SNX9: variants seen among roughly 807,000 people sequenced by gnomAD.
SNX9 encodes sorting nexin-9.
In SNX9, 44 loss-of-function variants were observed where a neutral mutation model predicts 89.4. That is an observed-to-expected ratio of 0.49 (90% CI 0.39 to 0.63). The LOEUF (loss-of-function observed/expected upper bound fraction) is 0.63, where lower values mean the gene tolerates loss of function less well. Among genes scored for constraint, SNX9 ranks in the 30% least tolerant of loss-of-function variants. The pLI is 0.00. For missense variants in SNX9, 578 were observed against 736.1 expected, an observed-to-expected ratio of 0.79 and a Z score of 2.49; for synonymous variants, 236 against 247.8, an observed-to-expected ratio of 0.95 and a Z score of 0.45.
chr6:157,921,161 G>A (rs1783574198), intron 9 of SNX9, among the ~76,000 whole-genome samples: 1 of 152,182 alleles, frequency 6.6e-6, no homozygotes, highest in Non-Finnish European at 1.5e-5. Flanking sequence ...ACAGAAACTG[G>A]CCTGTTAGCT....
At chr6:157,877,922 C>CT (rs1158564089) in intron 4 of SNX9, among the ~76,000 whole-genome samples, 4 of 152,154 alleles carry the variant, frequency 2.6e-5, no homozygotes, top group Non-Finnish European at 4.4e-5. Context: ...TCGTATTTTT[C>CT]TTTAAGTATA....
In SNX9 at chr6:157,875,193, C is replaced by A; in HGVS notation, c.300+17C>A. ...AATCACCAGGTACGTCTCACTTCCT[C>A]CTTCTGGATGTGGCTGGCTTTACGG... On this transcript the variant is annotated intron_variant, in intron 4 of 17. Transcript: ENST00000392185. 1 of 1,600,254 alleles carries A rather than the reference C, an allele frequency of 6.2e-7. No homozygotes were observed. The highest frequency in any genetic ancestry group is 8.5e-7 in the Non-Finnish European group (1 of 1,171,828).
chr6:157,841,949 A>G (rs928263492), intron 1 of SNX9, among the ~76,000 whole-genome samples: 3 of 152,162 alleles, frequency 2.0e-5, no homozygotes, highest in Non-Finnish European at 4.4e-5. Flanking sequence ...CCACCTCCAC[A>G]GTGATCCTGG....
chr6:157,879,213 A>T (rs1447831516), intron 4 of SNX9, among the ~76,000 whole-genome samples: 1 of 152,224 alleles, frequency 6.6e-6, no homozygotes, highest in African/African-American at 2.4e-5. Context: ...AACGTTTCCT[A>T]CGGCATTGTT....
intron 1 of SNX9, among the ~76,000 whole-genome samples, chr6:157,834,011 T>TA (rs1362484526): frequency 6.6e-6 from 1 of 151,968 alleles, no homozygotes; most frequent in Non-Finnish European, 1.5e-5. Flanking sequence ...GTTTTGTACT[T>TA]AGAGGTAATG....
Position 157,944,105 on chromosome 6 carries a change from T to G in SNX9, c.*1267T>G, listed in dbSNP as rs1484108048. 6.6e-6 allele frequency: 1 copy of G among 152,218 alleles called. No homozygotes were observed. Among genetic ancestry groups the G allele is most frequent in the Non-Finnish European group, 1.5e-5 (1 of 68,060 alleles). The allele number at this position is 152,218 out of a possible 1,614,324, so 9.4% of individuals were successfully genotyped here. ...AACAGGACCTTGGCACACCGTCAGC[T>G]CGAACTCAACACTGGCAGCCACCGT... On this transcript the variant is annotated 3_prime_UTR_variant, in exon 18 of 18. Transcript: ENST00000392185.
At chr6:157,834,920 A>G (rs753432113) in intron 1 of SNX9, among the ~76,000 whole-genome samples, 8 of 152,228 alleles carry the variant, frequency 5.3e-5, no homozygotes, top group African/African-American at 9.6e-5. Context: ...TAGGAAATCA[A>G]TACCCGTTAG....
At chr6:157,843,209 CGAAAAT>C (rs1207873939) in intron 1 of SNX9, among the ~76,000 whole-genome samples, 1 of 151,998 alleles carries the variant, frequency 6.6e-6, no homozygotes, top group Admixed American at 6.6e-5. Context: ...GAAGAATTGA[CGAAAAT>C]GAAAATTGAA....
chr6:157,872,033 T>C (rs1396072721), intron 2 of SNX9, among the ~76,000 whole-genome samples: 1 of 152,022 alleles, frequency 6.6e-6, no homozygotes. Flanking sequence ...GTGACAAAAG[T>C]TGTGGCTTAA....
chr6:157,937,966 C>T (rs1424954612), intron 15 of SNX9, among the ~76,000 whole-genome samples: 1 of 152,196 alleles, frequency 6.6e-6, no homozygotes, highest in African/African-American at 2.4e-5. Flanking sequence ...ATATAAAACT[C>T]AGAAAAATTA....
At chr6:157,849,069 C>T (rs1781858498) in intron 1 of SNX9, among the ~76,000 whole-genome samples, 1 of 152,170 alleles carries the variant, frequency 6.6e-6, no homozygotes. Context: ...CTGTGATGCA[C>T]CACTGCACTT....
At chr6:157,905,214 A>G (rs1783185904) in intron 6 of SNX9, among the ~76,000 whole-genome samples, 2 of 152,298 alleles carry the variant, frequency 1.3e-5, no homozygotes, top group African/African-American at 4.8e-5. Flanking sequence ...AAGGGAAGTC[A>G]GCTGAGAATG....
intron 17 of SNX9, among the ~76,000 whole-genome samples, chr6:157,942,115 C>T (rs71563728): frequency 0.061 from 9,312 of 152,298 alleles, 315 homozygotes; most frequent in South Asian, 0.1. Context: ...ACTGTCTTTG[C>T]ATAAACCTAA....
intron 5 of SNX9, among the ~76,000 whole-genome samples, chr6:157,898,629 A>G (rs1783029320): frequency 6.6e-6 from 1 of 152,252 alleles, no homozygotes; most frequent in African/African-American, 2.4e-5. Flanking sequence ...CTGAGGCAGA[A>G]GAGAAATGTG....
chr6:157,839,441 T>C (rs976960354), intron 1 of SNX9, among the ~76,000 whole-genome samples: 8 of 152,216 alleles, frequency 5.3e-5, no homozygotes, highest in Non-Finnish European at 1.0e-4. Flanking sequence ...GCATAGAGAT[T>C]AGGAGCCTGG....
chr6:157,831,304 G>A (rs1293191165), intron 1 of SNX9, among the ~76,000 whole-genome samples: 1 of 152,130 alleles, frequency 6.6e-6, no homozygotes, highest in Non-Finnish European at 1.5e-5. Flanking sequence ...ATCCTTCCAG[G>A]GAGGATTTGT....
At chr6:157,931,961 G>T (rs1783817997) in intron 12 of SNX9, among the ~76,000 whole-genome samples, 1 of 152,214 alleles carries the variant, frequency 6.6e-6, no homozygotes, top group Non-Finnish European at 1.5e-5. Flanking sequence ...TGGTGAATGA[G>T]AATGTAGGAG....
chr6:157,902,004 C>T lies in SNX9; in HGVS notation c.579C>T (p.Asn193=). The T allele has an allele frequency of 1.2e-6, 2 of 1,613,868 alleles. No homozygotes were observed. Among genetic ancestry groups the T allele is most frequent in the Non-Finnish European group, 1.7e-6 (2 of 1,179,926 alleles). The change falls in exon 6 of 18, where the codon AAC becomes AAT. Residue 193 remains asparagine, a synonymous_variant. Coordinates refer to ENST00000392185, the MANE Select transcript of SNX9 (RefSeq NM_016224.5). ...SADAGGAQRG[N]SRASSSSMKI... ...ATGCAGGCGGCGCTCAGCGAGGAAACAGTCGTGCTAGTTCCTCATCCATGA... is the reference window on the plus strand; with the variant it reads ...ATGCAGGCGGCGCTCAGCGAGGAAATAGTCGTGCTAGTTCCTCATCCATGA...
At chr6:157,841,178 A>G (rs1434586083) in intron 1 of SNX9, among the ~76,000 whole-genome samples, 3 of 152,230 alleles carry the variant, frequency 2.0e-5, no homozygotes, top group Non-Finnish European at 2.9e-5. Context: ...TGGAGATTCA[A>G]TGAATCTTTA....
Sources: allele counts gnomAD v4.1 joint callset (sites outside exome capture counted in the v4.1 genomes callset), GRCh38; gene constraint gnomAD v4.1.1; transcripts MANE v1.5; gene names NCBI Gene and HGNC (gene_info 2026-07-23, HGNC 2026-07-21).